Variants in ADGRV1 observed in about 807,000 individuals in gnomAD.
ADGRV1 encodes adhesion G protein-coupled receptor V1, also known as G-protein coupled receptor 98.
A neutral mutation model predicts 596.2 loss-of-function variants in ADGRV1; 359 were observed. The observed-to-expected ratio is 0.60, with a 90% CI of 0.55 to 0.66. The LOEUF (loss-of-function observed/expected upper bound fraction) is 0.66. ADGRV1 is among the 30% of genes least tolerant of loss of function. The probability of loss-of-function intolerance (pLI) is 0.00; values close to 1 mark genes in which losing one functional copy is unlikely to be tolerated. For missense variants in ADGRV1, 7,274 were observed against 7,575.6 expected, an observed-to-expected ratio of 0.96 and a Z score of 1.48; for synonymous variants, 2,681 against 2,679.2, an observed-to-expected ratio of 1.00 and a Z score of -0.02.
chr5:91,024,321 T>G (rs975743000), intron 85 of ADGRV1, among the ~76,000 whole-genome samples: 2 of 152,174 alleles, frequency 1.3e-5, no homozygotes, highest in Non-Finnish European at 2.9e-5. Flanking sequence ...ATATCCTGTT[T>G]TAGAAACACA....
chr5:90,887,217 C>G (rs1409207482), intron 83 of ADGRV1, among the ~76,000 whole-genome samples: 5 of 152,216 alleles, frequency 3.3e-5, no homozygotes, highest in African/African-American at 4.8e-5. Flanking sequence ...GCTGTCGTGC[C>G]TTGGAACCTT....
chr5:90,581,168 GT>G (rs1259729842), intron 1 of ADGRV1, among the ~76,000 whole-genome samples: 5 of 152,196 alleles, frequency 3.3e-5, no homozygotes, highest in African/African-American at 1.2e-4. Flanking sequence ...CTTTTTTCAA[GT>G]TTTTTTAGCT....
chr5:90,907,667 C>T (rs1772452506), intron 83 of ADGRV1, among the ~76,000 whole-genome samples: 1 of 152,062 alleles, frequency 6.6e-6, no homozygotes, highest in Non-Finnish European at 1.5e-5. Flanking sequence ...CCTCAAATGG[C>T]TGGGCATTTG....
intron 85 of ADGRV1, chr5:91,031,406 A>G: frequency 1.1e-6 from 1 of 945,804 alleles, no homozygotes; most frequent in South Asian, 1.5e-5. Context: ...TGGTCCCGAA[A>G]ACCTTCCTGT....
chr5:90,679,032 C>T (rs765787557), intron 25 of ADGRV1, among the ~76,000 whole-genome samples: 1 of 152,098 alleles, frequency 6.6e-6, no homozygotes, highest in Non-Finnish European at 1.5e-5. Context: ...GGACTCTTTC[C>T]ACAATGCCAG....
At chr5:90,957,640 A>G (rs1275506182) in intron 83 of ADGRV1, among the ~76,000 whole-genome samples, 1 of 148,220 alleles carries the variant, frequency 6.7e-6, no homozygotes, top group Non-Finnish European at 1.5e-5. Flanking sequence ...TTTTACATAT[A>G]TGTATATATA....
chr5:91,083,633 T>C (rs983325477), intron 86 of ADGRV1, among the ~76,000 whole-genome samples: 4 of 152,246 alleles, frequency 2.6e-5, no homozygotes, highest in African/African-American at 9.6e-5. Context: ...TCTCAGTTGC[T>C]TTAGCATAAC....
chr5:90,874,548 A>C (rs951889014), intron 83 of ADGRV1, among the ~76,000 whole-genome samples: 3 of 151,938 alleles, frequency 2.0e-5, no homozygotes, highest in African/African-American at 4.8e-5. Context: ...TTTTTGGCTC[A>C]TACTAGATTT....
chr5:91,163,207 G>T (rs1345237246), intron 89 of ADGRV1, among the ~76,000 whole-genome samples: 1 of 152,190 alleles, frequency 6.6e-6, no homozygotes, highest in Non-Finnish European at 1.5e-5. Context: ...TGGAATTCCT[G>T]TGTGGATCTA....
In ADGRV1 at chr5:90,848,825, A is replaced by G. The variant is rs376691612; in HGVS notation, c.17204+4A>G. On this transcript the variant is annotated splice_donor_region_variant and intron_variant, in intron 79 of 89. Coordinates refer to ENST00000405460, the MANE Select transcript of ADGRV1 (RefSeq NM_032119.4). ...CTTGCGGCTCTCCTGGTGAAAAGTA[A>G]GTATCTTTTAATATATTAGCAGTAC... 1.2e-4 allele frequency: 188 copies of G among 1,574,510 alleles called. No homozygotes were observed. Among genetic ancestry groups the G allele is most frequent in the Non-Finnish European group, 1.5e-4 (180 of 1,165,152 alleles).
At chr5:90,612,878 G>A (rs1241865512) in intron 1 of ADGRV1, among the ~76,000 whole-genome samples, 2 of 151,954 alleles carry the variant, frequency 1.3e-5, no homozygotes, top group South Asian at 2.1e-4. Flanking sequence ...TCACACTCTA[G>A]GACAGTAATT....
chr5:91,132,618 T>C (rs1203360126), intron 87 of ADGRV1, among the ~76,000 whole-genome samples: 22 of 152,222 alleles, frequency 1.4e-4, no homozygotes. Flanking sequence ...GTGTTGTGAA[T>C]GCGTAATCAG....
intron 85 of ADGRV1, among the ~76,000 whole-genome samples, chr5:91,050,677 A>G (rs1409152160): frequency 6.6e-6 from 1 of 152,010 alleles, no homozygotes; most frequent in Admixed American, 6.6e-5. Flanking sequence ...TTGGCAACAT[A>G]GAGAGACCCT....
intron 70 of ADGRV1, chr5:90,793,270 A>G (rs1333950295): frequency 6.6e-6 from 1 of 152,204 alleles, no homozygotes; most frequent in Non-Finnish European, 1.5e-5. Context: ...TACAAATTAG[A>G]AAAAGTTTAA....
At chr5:90,746,746 TC>T (rs1754674177) in intron 52 of ADGRV1, among the ~76,000 whole-genome samples, 1 of 152,172 alleles carries the variant, frequency 6.6e-6, no homozygotes, top group African/African-American at 2.4e-5. Context: ...AGAAGACATT[TC>T]CCAAAAGACT....
chr5:91,161,837 A>G (rs1196557730), intron 89 of ADGRV1, among the ~76,000 whole-genome samples: 1 of 152,170 alleles, frequency 6.6e-6, no homozygotes, highest in Non-Finnish European at 1.5e-5. Context: ...AGATGGAAAA[A>G]TAAGTATCTG....
At chr5:90,691,487 G>A (rs1400640508) in intron 31 of ADGRV1, among the ~76,000 whole-genome samples, 1 of 150,706 alleles carries the variant, frequency 6.6e-6, no homozygotes, top group South Asian at 2.1e-4. Flanking sequence ...TGGGTTTAAG[G>A]GATTCTCCTG....
chr5:90,582,609 G>C (rs1196384051), intron 1 of ADGRV1, among the ~76,000 whole-genome samples: 1 of 152,088 alleles, frequency 6.6e-6, no homozygotes, highest in Non-Finnish European at 1.5e-5. Flanking sequence ...CTGTCACCCA[G>C]GCTGGAGTAT....
chr5:90,835,008 C>T (rs1253475184), intron 77 of ADGRV1, among the ~76,000 whole-genome samples: 3 of 149,542 alleles, frequency 2.0e-5, no homozygotes, highest in African/African-American at 4.9e-5. Flanking sequence ...TCTTCCAATC[C>T]GTGAACATGA....
Sources: allele counts gnomAD v4.1 joint callset (sites outside exome capture counted in the v4.1 genomes callset), GRCh38; gene constraint gnomAD v4.1.1; transcripts MANE v1.5; gene names NCBI Gene and HGNC (gene_info 2026-07-23, HGNC 2026-07-21).